Variants in LRRC37A2 observed in about 807,000 individuals in gnomAD.
The protein encoded by LRRC37A2 is leucine-rich repeat-containing protein 37A2.
A neutral mutation model predicts 68.8 loss-of-function variants in LRRC37A2; 9 were observed. The ratio of observed to expected loss-of-function variants is 0.13; its 90% CI spans 0.08 to 0.23. The LOEUF is 0.23. LRRC37A2 is among the 10% of genes least tolerant of loss of function. The probability of loss-of-function intolerance (pLI) is 1.00; values close to 1 mark genes in which losing one functional copy is unlikely to be tolerated. For missense variants in LRRC37A2, 168 were observed against 950.4 expected (o/e 0.18, Z 10.82); for synonymous variants, 63 against 367.6 (o/e 0.17, Z 9.48).
chr17:46,851,834 G>C, the LRRC37A2 span: 1 of 477,306 alleles, frequency 2.1e-6, no homozygotes, highest in South Asian at 9.1e-5. This position sits in a 1 kb window ranked among gnomAD's most constrained non-coding sequence, Gnocchi z 4.3. Flanking sequence ...CTCGAACTCA[G>C]ACCCTAGCCC....
At chr17:46,756,648 A>G in the LRRC37A2 span, 1 of 152,574 alleles carries the variant, frequency 6.6e-6, no homozygotes, top group Admixed American at 6.5e-5. Context: ...TTAGTGTCCA[A>G]CTCCAAGTGG....
At chr17:46,833,090 A>G in the LRRC37A2 span, 1 of 355,654 alleles carries the variant, frequency 2.8e-6, no homozygotes. Flanking sequence ...CAGCCAGGAA[A>G]GAGCAAAAAG....
chr17:46,721,439 C>T, the LRRC37A2 span: 1 of 608,734 alleles, frequency 1.6e-6, no homozygotes, highest in Non-Finnish European at 2.9e-6. Flanking sequence ...CTCTTTCAGA[C>T]TTCCCTCCTA....
chr17:46,902,643 A>G, the LRRC37A2 span, among the ~76,000 whole-genome samples: 25 of 152,158 alleles, frequency 1.6e-4, no homozygotes, highest in South Asian at 1.7e-3. Flanking sequence ...GGTTGCTGAG[A>G]AAGCCAGGAA....
At chr17:46,860,767 T>C in the LRRC37A2 span, among the ~76,000 whole-genome samples, 1 of 152,246 alleles carries the variant, frequency 6.6e-6, no homozygotes, top group Admixed American at 6.5e-5. Flanking sequence ...GCCTTTTCTG[T>C]GCTCAGCACT....
chr17:46,381,893 G>A, the LRRC37A2 span, among the ~76,000 whole-genome samples: 1 of 115,540 alleles, frequency 8.7e-6, no homozygotes, highest in African/African-American at 2.9e-5. Context: ...AGCATGACAA[G>A]TACAGTGAAT....
chr17:47,004,672 G>A, the LRRC37A2 span, among the ~76,000 whole-genome samples: 1 of 152,132 alleles, frequency 6.6e-6, no homozygotes, highest in Non-Finnish European at 1.5e-5. Context: ...GGAACTATAG[G>A]CACACACCAC....
the LRRC37A2 span, among the ~76,000 whole-genome samples, chr17:46,810,914 C>T: frequency 6.6e-6 from 1 of 152,268 alleles, no homozygotes; most frequent in South Asian, 2.1e-4. Flanking sequence ...CGCCCACCTC[C>T]TCACACTGGC....
chr17:46,958,344 C>G, the LRRC37A2 span, among the ~76,000 whole-genome samples: 1 of 152,222 alleles, frequency 6.6e-6, no homozygotes, highest in Non-Finnish European at 1.5e-5. Flanking sequence ...GCAACAATTA[C>G]CCAAAAATCC....
chr17:46,736,945 T>C, the LRRC37A2 span, among the ~76,000 whole-genome samples: 1 of 152,224 alleles, frequency 6.6e-6, no homozygotes, highest in African/African-American at 2.4e-5. Context: ...TGAATGCCAG[T>C]GTGACTAAAG....
the LRRC37A2 span, among the ~76,000 whole-genome samples, chr17:47,023,277 A>G: frequency 6.6e-6 from 1 of 152,252 alleles, no homozygotes; most frequent in Middle Eastern, 3.2e-3. Flanking sequence ...GTTTAGACAC[A>G]TAAGTGATTT....
chr17:46,861,668 A>C, the LRRC37A2 span, among the ~76,000 whole-genome samples: 1 of 152,042 alleles, frequency 6.6e-6, no homozygotes, highest in African/African-American at 2.4e-5. Context: ...CCTCTTCTAC[A>C]CCCAAGCCCC....
the LRRC37A2 span, among the ~76,000 whole-genome samples, chr17:46,905,505 G>A: frequency 2.8e-4 from 43 of 152,340 alleles, no homozygotes; most frequent in Admixed American, 2.1e-3. Context: ...CAGCTGAGTC[G>A]TAAGTTGTTT....
chr17:46,977,525 G>A, the LRRC37A2 span, among the ~76,000 whole-genome samples: 2 of 152,246 alleles, frequency 1.3e-5, no homozygotes, highest in Non-Finnish European at 2.9e-5. Context: ...AGGGAAGTTA[G>A]CACCTGCAGG....
chr17:47,000,013 T>TAAAA, the LRRC37A2 span, among the ~76,000 whole-genome samples: 27 of 13,150 alleles, frequency 2.1e-3, no homozygotes, highest in African/African-American at 3.2e-3. Flanking sequence ...TAAAATAAAA[T>TAAAA]AAAATAAAAT....
chr17:46,945,030 G>A, the LRRC37A2 span, among the ~76,000 whole-genome samples: 2 of 152,198 alleles, frequency 1.3e-5, no homozygotes, highest in Admixed American at 6.5e-5. Context: ...TGAAACAACC[G>A]AGGTTGAGAG....
the LRRC37A2 span, among the ~76,000 whole-genome samples, chr17:46,843,103 A>G: frequency 6.6e-6 from 1 of 152,252 alleles, no homozygotes. Flanking sequence ...CATGAGGAAG[A>G]AGGTGGGCAC....
At chr17:46,935,409 C>G in the LRRC37A2 span, 496 of 1,429,088 alleles carry the variant, frequency 3.5e-4, no homozygotes, top group Non-Finnish European at 4.3e-4. Flanking sequence ...GGATCCAGGT[C>G]TTTTCCCATT....
the LRRC37A2 span, among the ~76,000 whole-genome samples, chr17:46,908,473 G>A: frequency 3.3e-5 from 5 of 152,306 alleles, no homozygotes; most frequent in African/African-American, 1.2e-4. Flanking sequence ...ACCGGCATCG[G>A]TCTGGCTTAG....
Sources: gnomAD v4.1 joint callset for allele counts (sites outside exome capture counted in the v4.1 genomes callset) on GRCh38, gnomAD v4.1.1 for gene constraint, Gnocchi (gnomAD v3.1) non-coding constraint, MANE v1.5 for transcripts, NCBI Gene and HGNC (gene_info 2026-07-23, HGNC 2026-07-21) for gene names.